Variants in GATAD1 observed in about 807,000 individuals in gnomAD.
The protein encoded by GATAD1 is GATA zinc finger domain containing 1.
A neutral mutation model predicts 26.5 loss-of-function variants in GATAD1; 12 were observed. The observed-to-expected ratio is 0.45, with a 90% CI of 0.29 to 0.73. The LOEUF (loss-of-function observed/expected upper bound fraction) is 0.73, where lower values mean the gene tolerates loss of function less well. Among genes scored for constraint, GATAD1 ranks in the 30% least tolerant of loss-of-function variants. GATAD1 has a pLI of 0.10. For missense variants in GATAD1, 266 were observed against 342.1 expected (o/e 0.78, Z 1.75); for synonymous variants, 129 against 133.1 (o/e 0.97, Z 0.21).
chr7:92,489,222 TAA>T, the GATAD1 span: 12 of 1,310,484 alleles, frequency 9.2e-6, no homozygotes, highest in African/African-American at 1.6e-4. Flanking sequence ...ACACGAACTT[TAA>T]AGGTTTAAGT....
chr7:92,481,079 A>G, the GATAD1 span, among the ~76,000 whole-genome samples: 5 of 152,170 alleles, frequency 3.3e-5, no homozygotes, highest in African/African-American at 7.2e-5. Flanking sequence ...AGTAGCCTCA[A>G]TGATGGATGT....
downstream of GATAD1, chr7:92,463,040 G>C (rs935824993): frequency 2.6e-5 from 4 of 152,226 alleles, no homozygotes; most frequent in Non-Finnish European, 4.4e-5. Context: ...AGGTCGTGCA[G>C]TGGGATATTA....
At chr7:92,451,136 G>A (rs1483973847) in intron 3 of GATAD1, among the ~76,000 whole-genome samples, 1 of 152,188 alleles carries the variant, frequency 6.6e-6, no homozygotes, top group Non-Finnish European at 1.5e-5. Flanking sequence ...AGAGGTTGTC[G>A]ACTGTGGTGT....
At chr7:92,487,470 A>T in the GATAD1 span, 4 of 1,578,326 alleles carry the variant, frequency 2.5e-6, no homozygotes, top group African/African-American at 1.3e-5. Context: ...TGCTAAAGTT[A>T]CTTTCTGTCC....
chr7:92,455,393 G>C (rs140941939), intron 4 of GATAD1, among the ~76,000 whole-genome samples: 4 of 152,148 alleles, frequency 2.6e-5, no homozygotes, highest in African/African-American at 9.7e-5. Flanking sequence ...ATTTAGGAAA[G>C]AACTATCCCA....
intron 2 of GATAD1, chr7:92,449,386 C>G: frequency 2.0e-6 from 2 of 982,560 alleles, no homozygotes; most frequent in African/African-American, 1.7e-5. Flanking sequence ...TAAGCCTTAT[C>G]TCCTCTTCTG....
At chr7:92,481,214 G>A in the GATAD1 span, among the ~76,000 whole-genome samples, 1 of 152,160 alleles carries the variant, frequency 6.6e-6, no homozygotes. Flanking sequence ...GGGAAATGGG[G>A]TGAATGTCAG....
chr7:92,495,560 C>T, the GATAD1 span, among the ~76,000 whole-genome samples: 2 of 152,042 alleles, frequency 1.3e-5, no homozygotes, highest in Non-Finnish European at 2.9e-5. Flanking sequence ...TTGTTTTTGT[C>T]TATGTCACCT....
the GATAD1 span, chr7:92,493,196 T>A: frequency 1.1e-6 from 1 of 913,966 alleles, no homozygotes; most frequent in Non-Finnish European, 1.7e-6. Context: ...AAATTGTGTA[T>A]CTTATGATTT....
the GATAD1 span, chr7:92,489,704 A>G: frequency 6.2e-7 from 1 of 1,607,990 alleles, no homozygotes; most frequent in South Asian, 1.1e-5. Flanking sequence ...TGAGGGGGAA[A>G]AAGCCATACT....
chr7:92,493,348 C>T, the GATAD1 span: 2 of 314,188 alleles, frequency 6.4e-6, no homozygotes, highest in Non-Finnish European at 1.1e-5. Context: ...ATCAAACACT[C>T]TTAAGGCTGG....
intron 4 of GATAD1, 95 bp from the exon 5 acceptor site, chr7:92,456,277 A>G: frequency 1.5e-6 from 1 of 676,114 alleles, no homozygotes; most frequent in Non-Finnish European, 2.4e-6. Flanking sequence ...TTGCTCCCAG[A>G]GTGGTCTCTC....
the GATAD1 span, among the ~76,000 whole-genome samples, chr7:92,479,412 A>T: frequency 6.6e-6 from 1 of 152,116 alleles, no homozygotes; most frequent in African/African-American, 2.4e-5. Flanking sequence ...GAATTTCCCA[A>T]GGTTAATTGC....
At chr7:92,480,790 A>T in the GATAD1 span, among the ~76,000 whole-genome samples, 1 of 152,056 alleles carries the variant, frequency 6.6e-6, no homozygotes, top group Non-Finnish European at 1.5e-5. Context: ...GAGTAATGGG[A>T]TCTGACGCCT....
the GATAD1 span, chr7:92,468,379 G>A: frequency 5.2e-5 from 9 of 172,474 alleles, no homozygotes; most frequent in Non-Finnish European, 9.8e-5. Flanking sequence ...GACCAGAAGA[G>A]TGCAGTTGCA....
downstream of GATAD1, chr7:92,462,984 A>G (rs949275563): frequency 2.0e-5 from 3 of 152,230 alleles, no homozygotes; most frequent in African/African-American, 7.2e-5. Context: ...AGATAGAAAC[A>G]ACACAAGGAC....
At chr7:92,449,333 TATGATG>T in intron 2 of GATAD1, 1 of 891,936 alleles carries the variant, frequency 1.1e-6, no homozygotes, top group Non-Finnish European at 1.3e-6. Flanking sequence ...CTTACTGACT[TATGATG>T]ATGATGTATT....
At chr7:92,448,129 T>C (rs1306046328) in intron 1 of GATAD1, 151 bp downstream of exon 1, 2 of 462,316 alleles carry the variant, frequency 4.3e-6, no homozygotes, top group Non-Finnish European at 6.7e-6. Flanking sequence ...CTGAGATCTT[T>C]CGTTTGGCCC....
the GATAD1 span, chr7:92,489,765 T>C: frequency 8.1e-6 from 13 of 1,614,168 alleles, no homozygotes; most frequent in Non-Finnish European, 1.0e-5. Context: ...CTGCCCTCAG[T>C]TGATCTCTTT....
Sources: gnomAD v4.1 joint callset for allele counts (sites outside exome capture counted in the v4.1 genomes callset) on GRCh38, gnomAD v4.1.1 for gene constraint, MANE v1.5 for transcripts, NCBI Gene and HGNC (gene_info 2026-07-23, HGNC 2026-07-21) for gene names.